LRMDA: variants seen among roughly 807,000 people sequenced by gnomAD.
LRMDA encodes the protein leucine rich melanocyte differentiation associated, also known as leucine-rich melanocyte differentiation-associated protein.
LRMDA carries 18 observed loss-of-function variants against 29.8 expected under a neutral mutation model. The ratio of observed to expected loss-of-function variants is 0.60; its 90% CI spans 0.42 to 0.90. The LOEUF (loss-of-function observed/expected upper bound fraction) is 0.90, where lower values mean the gene tolerates loss of function less well. LRMDA is among the 40% of genes least tolerant of loss of function. LRMDA has a pLI of 0.00. For synonymous variants in LRMDA, 125 were observed against 109.4 expected, an observed-to-expected ratio of 1.14 and a Z score of -0.89; for missense variants, 273 against 273.9, an observed-to-expected ratio of 1.00 and a Z score of 0.02.
intron 2 of LRMDA, among the ~76,000 whole-genome samples, chr10:75,714,848 TCCC>T (rs1842479535): frequency 2.4e-4 from 18 of 74,330 alleles, no homozygotes; most frequent in Non-Finnish European, 4.1e-4. Flanking sequence ...CCTCCCTCCC[TCCC>T]TCCCTCCCTT....
At chr10:75,831,662 C>A (rs1336105673) in intron 2 of LRMDA, among the ~76,000 whole-genome samples, 3 of 152,206 alleles carry the variant, frequency 2.0e-5, no homozygotes, top group East Asian at 3.9e-4. Context: ...CATTTCCTGG[C>A]CACATTGCCC....
At chr10:75,684,342 A>G (rs947625502) in intron 2 of LRMDA, among the ~76,000 whole-genome samples, 1 of 152,130 alleles carries the variant, frequency 6.6e-6, no homozygotes, top group African/African-American at 2.4e-5. Flanking sequence ...TTGTTGTTAC[A>G]TCTTTCACGC....
intron 2 of LRMDA, among the ~76,000 whole-genome samples, chr10:75,618,595 T>C (rs1183657682): frequency 6.7e-6 from 1 of 148,854 alleles, no homozygotes; most frequent in Non-Finnish European, 1.5e-5. Context: ...TCTAATAAAA[T>C]TAACATAAAC....
chr10:75,828,204 A>C (rs1844279130), intron 2 of LRMDA, among the ~76,000 whole-genome samples: 1 of 152,176 alleles, frequency 6.6e-6, no homozygotes, highest in East Asian at 1.9e-4. Context: ...ACCCCAAACT[A>C]TCTCAGACCT....
At chr10:76,527,471 A>G (rs1201244015) in intron 6 of LRMDA, among the ~76,000 whole-genome samples, 5 of 152,054 alleles carry the variant, frequency 3.3e-5, no homozygotes, top group Admixed American at 3.3e-4. Context: ...TCCCCTCTTG[A>G]TATCTCCTAA....
At chr10:75,872,956 G>T (rs1426722503) in intron 2 of LRMDA, among the ~76,000 whole-genome samples, 1 of 152,098 alleles carries the variant, frequency 6.6e-6, no homozygotes. Context: ...CCAGTACCTT[G>T]CTCAATGCCC....
At chr10:75,844,694 G>A (rs2132304287) in intron 2 of LRMDA, among the ~76,000 whole-genome samples, 1 of 152,276 alleles carries the variant, frequency 6.6e-6, no homozygotes, top group Non-Finnish European at 1.5e-5. Context: ...CTCCTAAAAT[G>A]CAATTTATCT....
intron 2 of LRMDA, among the ~76,000 whole-genome samples, chr10:76,032,792 G>A (rs950191702): frequency 4.6e-5 from 7 of 152,126 alleles, no homozygotes; most frequent in African/African-American, 1.7e-4. Context: ...GGTGAACCTT[G>A]CTCTCTCCTA....
intron 6 of LRMDA, among the ~76,000 whole-genome samples, chr10:76,467,499 A>C (rs12218713): frequency 0.36 from 55,132 of 152,060 alleles, 11,128 homozygotes; most frequent in Middle Eastern, 0.55. Flanking sequence ...ATGGTTGGAC[A>C]AAGGAGCAGG....
At chr10:75,772,640 G>C (rs544446425) in intron 2 of LRMDA, among the ~76,000 whole-genome samples, 7 of 152,082 alleles carry the variant, frequency 4.6e-5, no homozygotes, top group Admixed American at 1.3e-4. Flanking sequence ...GAAAGTGCTC[G>C]AATAGCAAAT....
At chr10:76,396,378 A>C (rs1309163478) in intron 6 of LRMDA, 2 of 152,352 alleles carry the variant, frequency 1.3e-5, no homozygotes, top group East Asian at 3.9e-4. Flanking sequence ...TATGAGAGGG[A>C]GAGACCATAT....
chr10:75,864,718 C>T (rs1234435248), intron 2 of LRMDA, among the ~76,000 whole-genome samples: 1 of 152,146 alleles, frequency 6.6e-6, no homozygotes, highest in Non-Finnish European at 1.5e-5. Context: ...TATCATCTTG[C>T]TTCAGATTTT....
At chr10:75,637,404 G>C (rs187795047) in intron 2 of LRMDA, among the ~76,000 whole-genome samples, 70 of 152,266 alleles carry the variant, frequency 4.6e-4, no homozygotes, top group African/African-American at 1.6e-3. Context: ...AGACAGAGAG[G>C]GGGAGGGAGG....
intron 4 of LRMDA, among the ~76,000 whole-genome samples, chr10:76,051,051 T>A (rs575538118): frequency 5.3e-5 from 8 of 152,224 alleles, no homozygotes; most frequent in Non-Finnish European, 1.2e-4. Flanking sequence ...ACACCCTTTC[T>A]TTGTTCCCCT....
intron 2 of LRMDA, among the ~76,000 whole-genome samples, chr10:75,664,138 G>T (rs901473466): frequency 6.6e-6 from 1 of 152,168 alleles, no homozygotes; most frequent in Non-Finnish European, 1.5e-5. Context: ...CCTTGGTCTA[G>T]ATCGCTGACT....
At chr10:75,659,361 CTTT>C (rs954781771) in intron 2 of LRMDA, among the ~76,000 whole-genome samples, 1 of 151,700 alleles carries the variant, frequency 6.6e-6, no homozygotes, top group Non-Finnish European at 1.5e-5. Flanking sequence ...CCTTTCCTCT[CTTT>C]TTTTTTCTTT....
intron 5 of LRMDA, among the ~76,000 whole-genome samples, chr10:76,311,684 G>C: frequency 6.6e-6 from 1 of 152,082 alleles, no homozygotes; most frequent in East Asian, 1.9e-4. Flanking sequence ...ATTTCATATG[G>C]GGTTGGGTAG....
intron 2 of LRMDA, among the ~76,000 whole-genome samples, chr10:75,824,826 A>G (rs992506857): frequency 1.3e-5 from 2 of 152,190 alleles, no homozygotes; most frequent in Admixed American, 1.3e-4. Context: ...CTACTGATTC[A>G]TGCATTTCTA....
intron 6 of LRMDA, among the ~76,000 whole-genome samples, chr10:76,434,276 G>A (rs2132285801): frequency 6.6e-6 from 1 of 151,134 alleles, no homozygotes; most frequent in South Asian, 2.1e-4. Flanking sequence ...ACTTTTCTTG[G>A]GTTTTGTTAA....
Sources: allele counts gnomAD v4.1 joint callset (sites outside exome capture counted in the v4.1 genomes callset), GRCh38; gene constraint gnomAD v4.1.1; transcripts MANE v1.5; gene names NCBI Gene and HGNC (gene_info 2026-07-23, HGNC 2026-07-21).